BLTP3A: variants seen among roughly 807,000 people sequenced by gnomAD.
BLTP3A encodes the protein bridge-like lipid transfer protein family member 3A.
At chr6:34,824,182 C>T in the BLTP3A span, among the ~76,000 whole-genome samples, 2 of 152,058 alleles carry the variant, frequency 1.3e-5, no homozygotes, top group Admixed American at 1.3e-4. Context: ...CAAATACTTT[C>T]ATATCATGTC....
At chr6:34,819,278 A>G in the BLTP3A span, among the ~76,000 whole-genome samples, 4 of 150,310 alleles carry the variant, frequency 2.7e-5, no homozygotes, top group South Asian at 2.1e-4. Flanking sequence ...AGCATTACGT[A>G]TATCTCCCAG....
At chr6:34,850,291 A>G in the BLTP3A span, among the ~76,000 whole-genome samples, 1 of 152,062 alleles carries the variant, frequency 6.6e-6, no homozygotes, top group East Asian at 1.9e-4. Flanking sequence ...TCCTTTCTCT[A>G]TCCTTGACTT....
chr6:34,807,772 G>A, the BLTP3A span, among the ~76,000 whole-genome samples: 3 of 152,232 alleles, frequency 2.0e-5, no homozygotes, highest in Non-Finnish European at 4.4e-5. Context: ...GGGTGCGGTG[G>A]CTCACGCCTC....
At chr6:34,796,234 T>C in the BLTP3A span, among the ~76,000 whole-genome samples, 28 of 152,362 alleles carry the variant, frequency 1.8e-4, no homozygotes, top group South Asian at 3.1e-3. Flanking sequence ...AGTCATATTA[T>C]GCTTATTTGG....
the BLTP3A span, chr6:34,836,163 C>A: frequency 6.2e-7 from 1 of 1,613,976 alleles, no homozygotes; most frequent in Non-Finnish European, 8.5e-7. Context: ...TAGATCACTC[C>A]ACCAGCCCCC....
At chr6:34,814,666 T>A in the BLTP3A span, among the ~76,000 whole-genome samples, 1 of 152,164 alleles carries the variant, frequency 6.6e-6, no homozygotes, top group African/African-American at 2.4e-5. Context: ...CTTGTTAGCA[T>A]GTTGCTAGAG....
At chr6:34,855,816 G>T in the BLTP3A span, 3 of 1,539,308 alleles carry the variant, frequency 1.9e-6, no homozygotes, top group Admixed American at 2.0e-5. Flanking sequence ...TGCAGTGCAT[G>T]CTCAGAGGGG....
the BLTP3A span, chr6:34,855,552 C>T: frequency 6.3e-7 from 1 of 1,582,762 alleles, no homozygotes; most frequent in East Asian, 2.3e-5. Context: ...CTTCTGCATG[C>T]TTTAGGTGGT....
the BLTP3A span, among the ~76,000 whole-genome samples, chr6:34,866,589 A>G: frequency 3.9e-3 from 601 of 152,280 alleles, 9 homozygotes; most frequent in African/African-American, 0.014. Flanking sequence ...TAAAATACAT[A>G]TGAAATTTGC....
the BLTP3A span, chr6:34,836,105 A>G: frequency 3.4e-3 from 5,355 of 1,579,186 alleles, 262 homozygotes; most frequent in East Asian, 0.1. Context: ...AAAGCCTACA[A>G]AGGATCTTTT....
At chr6:34,824,056 C>G in the BLTP3A span, among the ~76,000 whole-genome samples, 21 of 151,884 alleles carry the variant, frequency 1.4e-4, no homozygotes, top group East Asian at 3.9e-3. Flanking sequence ...GGTTCCCCAC[C>G]TCAGTCTCCC....
chr6:34,792,400 G>T, the BLTP3A span: 1 of 1,189,404 alleles, frequency 8.4e-7, no homozygotes, highest in Non-Finnish European at 1.1e-6. Context: ...TCTCCAGCCC[G>T]GAGCCCGGAC....
At chr6:34,871,119 G>A in the BLTP3A span, 1 of 1,606,008 alleles carries the variant, frequency 6.2e-7, no homozygotes, top group African/African-American at 1.3e-5. Flanking sequence ...CCCTAAAGGT[G>A]TGAGGAACCT....
the BLTP3A span, chr6:34,867,166 G>A: frequency 1.3e-6 from 2 of 1,512,044 alleles, no homozygotes; most frequent in Non-Finnish European, 1.8e-6. Flanking sequence ...TGTTTGTAGA[G>A]GTTGGATTTG....
At chr6:34,810,835 A>G in the BLTP3A span, among the ~76,000 whole-genome samples, 1 of 152,210 alleles carries the variant, frequency 6.6e-6, no homozygotes, top group Non-Finnish European at 1.5e-5. Flanking sequence ...GGTGTCATGT[A>G]TAGTCTGTAA....
At chr6:34,839,340 CTTT>C in the BLTP3A span, among the ~76,000 whole-genome samples, 3 of 51,660 alleles carry the variant, frequency 5.8e-5, no homozygotes, top group Non-Finnish European at 1.0e-4. Context: ...TCTTGTAACT[CTTT>C]CTCTGGGATT....
chr6:34,862,738 G>T, the BLTP3A span, among the ~76,000 whole-genome samples: 1 of 151,526 alleles, frequency 6.6e-6, no homozygotes, highest in South Asian at 2.1e-4. Flanking sequence ...GGAGGCTGAG[G>T]CAGGAGAATT....
At chr6:34,871,938 C>A in the BLTP3A span, 4 of 1,611,458 alleles carry the variant, frequency 2.5e-6, no homozygotes, top group Non-Finnish European at 3.4e-6. Context: ...GAGGACCTAA[C>A]AGAACAGTAG....
chr6:34,871,869 C>A, the BLTP3A span: 1 of 1,614,228 alleles, frequency 6.2e-7, no homozygotes. Flanking sequence ...TGAGAAGAGA[C>A]AGCCCCCAAA....
Sources: allele counts gnomAD v4.1 joint callset (sites outside exome capture counted in the v4.1 genomes callset), GRCh38; gene constraint gnomAD v4.1.1; transcripts MANE v1.5; gene names NCBI Gene and HGNC (gene_info 2026-07-23, HGNC 2026-07-21).